Variants in DNAAF5 observed in about 807,000 individuals in gnomAD.
The protein encoded by DNAAF5 is dynein axonemal assembly factor 5, also known as HEAT repeat containing 2.
In DNAAF5, 64 loss-of-function variants were observed where a neutral mutation model predicts 75.8. That is an observed-to-expected ratio of 0.84 (90% confidence interval 0.69 to 1.04). The LOEUF (loss-of-function observed/expected upper bound fraction) is 1.04. Ranked by LOEUF, DNAAF5 falls within the 50% of genes least tolerant of loss-of-function variation. The probability of loss-of-function intolerance (pLI) is 0.00; values close to 1 mark genes in which losing one functional copy is unlikely to be tolerated. For synonymous variants in DNAAF5, 657 were observed against 557.2 expected (o/e 1.18, Z -2.52); for missense variants, 1,269 against 1,178.5 (o/e 1.08, Z -1.12).
At chr7:753,143 C>T (rs1008991853) in intron 4 of DNAAF5, among the ~76,000 whole-genome samples, 4 of 152,226 alleles carry the variant, frequency 2.6e-5, no homozygotes, top group Admixed American at 1.3e-4. Flanking sequence ...TAAACGTGCA[C>T]CTTCCCTGTG....
chr7:769,541 G>A (rs185447201), intron 8 of DNAAF5, among the ~76,000 whole-genome samples: 5 of 152,220 alleles, frequency 3.3e-5, no homozygotes, highest in South Asian at 2.1e-4. Context: ...GGGCTGCAAC[G>A]CTGAGAAGCA....
At chr7:747,096 G>T (rs962151130) in intron 4 of DNAAF5, among the ~76,000 whole-genome samples, 1 of 152,230 alleles carries the variant, frequency 6.6e-6, no homozygotes, top group Non-Finnish European at 1.5e-5. Context: ...GTAAACACTT[G>T]CAGACTGGTT....
intron 1 of DNAAF5, among the ~76,000 whole-genome samples, chr7:728,375 A>G (rs1781437838): frequency 6.6e-6 from 1 of 152,176 alleles, no homozygotes; most frequent in Non-Finnish European, 1.5e-5. Flanking sequence ...ATGTAGTGGG[A>G]AGTGCAGGGG....
chr7:745,529 A>G (rs1782064455), intron 4 of DNAAF5, among the ~76,000 whole-genome samples: 1 of 150,672 alleles, frequency 6.6e-6, no homozygotes, highest in Admixed American at 6.6e-5. Context: ...ACACGTGTGT[A>G]CATGCATATC....
intron 4 of DNAAF5, among the ~76,000 whole-genome samples, chr7:744,235 G>C (rs990823333): frequency 1.3e-5 from 2 of 151,624 alleles, no homozygotes; most frequent in African/African-American, 2.4e-5. Flanking sequence ...TGATGATTTT[G>C]AATTTCATCC....
In DNAAF5 at chr7:741,437, TCCCAC is replaced by T; in HGVS notation, c.1006_1010del (p.Pro336LeufsTer5). On this transcript the variant is annotated frameshift_variant, in exon 4 of 13. Coordinates refer to ENST00000297440, the MANE Select transcript of DNAAF5 (RefSeq NM_017802.4). LOFTEE classifies it high-confidence loss of function. ...TGAAGGACAAGCTGGACTTTGCCCC[TCCCAC>T]CCCACCCCATTACCCTCCACATGGT... 5.7e-6 allele frequency: 5 copies of T among 884,904 alleles called. No individual in the cohort carries two copies. Among genetic ancestry groups the T allele is most frequent in the Non-Finnish European group, 8.0e-6 (5 of 623,966 alleles). 54.8% of individuals were successfully genotyped at this position (884,904 alleles called of 1,614,324 possible). A position where few individuals can be genotyped will look rare whatever the true frequency, so the allele number is the denominator to read the frequency against.
rs1444010449 is a variant in DNAAF5, at chr7:727,101, C to T, written c.381C>T (p.Gly127=). The T allele has an allele frequency of 1.8e-6, 2 of 1,081,464 alleles. No individual in the cohort carries two copies. Among genetic ancestry groups the T allele is most frequent in the Non-Finnish European group, 2.2e-6 (2 of 895,370 alleles). 67.0% of individuals were successfully genotyped at this position (1,081,464 alleles called of 1,614,324 possible). A position where few individuals can be genotyped will look rare whatever the true frequency, so the allele number is the denominator to read the frequency against. ...LLPALAARLA[G]PVPARRPPEA... is the part of the protein sequence containing the mutation. ...CCGCGCTCGCCGCGCGCTTGGCCGG[C>T]CCCGTGCCCGCGCGCCGCCCGCCCG... is the stretch of plus-strand genomic sequence containing the variant. Residue 127 remains glycine (G), a synonymous_variant, in exon 1 of 13, where the codon GGC becomes GGT. Coordinates refer to ENST00000297440, the MANE Select transcript of DNAAF5 (RefSeq NM_017802.4).
intron 4 of DNAAF5, among the ~76,000 whole-genome samples, chr7:744,035 C>T (rs1042506589): frequency 1.3e-5 from 2 of 151,582 alleles, no homozygotes. Context: ...GTGTGCTGCA[C>T]CCATTAACTC....
intron 8 of DNAAF5, chr7:769,275 T>C: frequency 1.4e-6 from 1 of 709,982 alleles, no homozygotes; most frequent in South Asian, 1.5e-5. Flanking sequence ...GAGCGCCTCC[T>C]TCTGCGGCCC....
At chr7:774,305 C>CCA in intron 10 of DNAAF5, 107 bp downstream of exon 10, 1 of 1,200,392 alleles carries the variant, frequency 8.3e-7, no homozygotes, top group South Asian at 1.5e-5. Context: ...AGCAGCTGCA[C>CCA]CTCCACCTGG....
At chr7:740,984 G>C in intron 3 of DNAAF5, 41 bp downstream of exon 3, 1 of 1,603,792 alleles carries the variant, frequency 6.2e-7, no homozygotes, top group Non-Finnish European at 8.5e-7. Flanking sequence ...TTCCTAAACG[G>C]TCATGTGTAG....
At position 759,020 on chromosome 7, in the gene DNAAF5, A is replaced by G. The variant is rs1782567213; in HGVS notation, c.1470+2026A>G. 2.0e-5 allele frequency among the ~76,000 whole-genome samples: 3 copies of G among 152,096 alleles called. No individual in the cohort carries two copies. In the South Asian group the frequency reaches 6.2e-4, roughly 32 times the overall value. On this transcript the variant is annotated intron_variant, in intron 6 of 12. Transcript: ENST00000297440. ...TTAACAGACTTAAATTTTTGGCAAG[A>G]AAGGGTGAAGGTACTCAGGTCTCAG...
intron 11 of DNAAF5, 158 bp from the exon 12 acceptor site, chr7:779,795 C>A: frequency 1.6e-6 from 1 of 639,796 alleles, no homozygotes; most frequent in Admixed American, 3.0e-5. Context: ...GAGCACCTTG[C>A]ATGTGGCTCG....
Position 737,902 on chromosome 7 carries a change from G to A in DNAAF5, c.781-2917G>A, listed in dbSNP as rs546146937. ...AAATGTCTTGAGGTAGTTTTATTGG[G>A]TTAAATCTGGTTGGTGTTCTGTAGC... On this transcript the variant is annotated intron_variant, in intron 2 of 12. Transcript: ENST00000297440. Among the ~76,000 whole-genome samples the A allele has an allele frequency of 2.6e-5, 4 of 152,264 alleles. No homozygotes were observed. The South Asian group carries it at 8.3e-4, about 32-fold the overall frequency.
At position 727,272 on chromosome 7, in the gene DNAAF5, C is replaced by T; in HGVS notation, c.552C>T (p.Arg184=). The stretch of plus-strand genomic sequence containing the variant: ...TCGACCCCTTCGCCGCCGTGCGCCG[C>T]GAGAGCTGCAGCTGCGCCGCCGCCC... ...SLLDPFAAVR[R]ESCSCAAALA... is the part of the protein sequence containing the mutation. Residue 184 remains arginine, a synonymous_variant, in exon 1 of 13, where the codon CGC becomes CGT. Coordinates refer to ENST00000297440, the MANE Select transcript of DNAAF5 (RefSeq NM_017802.4). The T allele has an allele frequency of 7.5e-7, 1 of 1,324,544 alleles. No individual in the cohort carries two copies. Among genetic ancestry groups the T allele is most frequent in the Non-Finnish European group, 9.6e-7 (1 of 1,041,462 alleles). The allele number at this position is 1,324,544 out of a possible 1,614,324, so 82.0% of individuals were successfully genotyped here.
intron 8 of DNAAF5, among the ~76,000 whole-genome samples, chr7:765,439 T>G (rs1440732214): frequency 1.3e-5 from 2 of 152,198 alleles, no homozygotes; most frequent in African/African-American, 4.8e-5. Flanking sequence ...AGCCTTCACC[T>G]CACAGTCCAG....
Position 727,145 on chromosome 7 carries a change from G to T in DNAAF5, c.425G>T (p.Arg142Leu), listed in dbSNP as rs1402920397. The change falls in exon 1 of 13, where the codon CGC (arginine) becomes CTC (leucine). Residue 142 changes from arginine to leucine, a missense_variant. Transcript: ENST00000297440. The stretch of plus-strand genomic sequence containing the variant: ...CCGCCCGAGGCCTGTGAGGAGCTGC[G>T]CCTGGCGCTTGTGCAGCTGCTGGGC... ...RRPPEACEEL[R>L]LALVQLLGLA... The T allele has an allele frequency of 8.0e-6, 10 of 1,253,020 alleles. No homozygotes were observed. The highest frequency in any genetic ancestry group is 3.7e-5 in the East Asian group (1 of 26,768). 77.6% of individuals were successfully genotyped at this position (1,253,020 alleles called of 1,614,324 possible). A position where few individuals can be genotyped will look rare whatever the true frequency, so the allele number is the denominator to read the frequency against.
At chr7:733,272 T>C (rs1385457186) in intron 2 of DNAAF5, among the ~76,000 whole-genome samples, 2 of 152,240 alleles carry the variant, frequency 1.3e-5, no homozygotes, top group Non-Finnish European at 2.9e-5. Context: ...AGGATGGCTT[T>C]GGCTATTCAA....
chr7:744,922 T>C (rs1782033407), intron 4 of DNAAF5, among the ~76,000 whole-genome samples: 1 of 152,146 alleles, frequency 6.6e-6, no homozygotes, highest in South Asian at 2.1e-4. Flanking sequence ...TGTTTTAAAA[T>C]GTGGAACTTA....
Sources: allele counts gnomAD v4.1 joint callset (sites outside exome capture counted in the v4.1 genomes callset), GRCh38; gene constraint gnomAD v4.1.1; transcripts MANE v1.5; gene names NCBI Gene and HGNC (gene_info 2026-07-23, HGNC 2026-07-21).